Variants in SYT9 observed in about 807,000 individuals in gnomAD.
SYT9 encodes the protein synaptotagmin 9.
In SYT9, 22 loss-of-function variants were observed where a neutral mutation model predicts 48.4. That is an observed-to-expected ratio of 0.45 (90% CI 0.32 to 0.65). The LOEUF (loss-of-function observed/expected upper bound fraction) is 0.65. SYT9 is among the 30% of genes least tolerant of loss of function. SYT9 has a pLI of 0.03. For synonymous variants in SYT9, 265 were observed against 245.0 expected (o/e 1.08, Z -0.76); for missense variants, 577 against 622.0 (o/e 0.93, Z 0.77).
chr11:7,314,013 T>C (rs574471209), intron 3 of SYT9, 72 bp downstream of exon 3: 1 of 1,512,316 alleles, frequency 6.6e-7, no homozygotes, highest in African/African-American at 1.4e-5. Context: ...TACTTACACA[T>C]TATCTTGAGG....
chr11:7,339,683 C>T (rs1015475948), intron 3 of SYT9, among the ~76,000 whole-genome samples: 3 of 152,130 alleles, frequency 2.0e-5, no homozygotes, highest in Non-Finnish European at 4.4e-5. Flanking sequence ...ATATAGGCCC[C>T]CTAATCTCTT....
intron 1 of SYT9, among the ~76,000 whole-genome samples, chr11:7,295,678 G>T (rs752680449): frequency 3.3e-5 from 5 of 152,058 alleles, no homozygotes; most frequent in African/African-American, 1.2e-4. Context: ...TCATATTTTA[G>T]GTATTTATTT....
chr11:7,368,719 A>G (rs1227596719), intron 3 of SYT9, among the ~76,000 whole-genome samples: 3 of 152,154 alleles, frequency 2.0e-5, no homozygotes, highest in Non-Finnish European at 1.5e-5. Flanking sequence ...GCTGTGTAGT[A>G]TTCCATGGTG....
chr11:7,440,114 C>G (rs1386276609), intron 6 of SYT9: 1 of 152,274 alleles, frequency 6.6e-6, no homozygotes, highest in South Asian at 2.1e-4. Flanking sequence ...TCCCGTACAA[C>G]CTGAAGACTC....
intron 1 of SYT9, among the ~76,000 whole-genome samples, chr11:7,254,488 C>T (rs952510732): frequency 6.6e-6 from 1 of 152,168 alleles, no homozygotes; most frequent in African/African-American, 2.4e-5. Context: ...GTCTTCATCC[C>T]TCTGAAGCAA....
intron 1 of SYT9, among the ~76,000 whole-genome samples, chr11:7,269,084 A>G (rs1056462277): frequency 6.6e-6 from 1 of 152,112 alleles, no homozygotes; most frequent in Non-Finnish European, 1.5e-5. Flanking sequence ...ACTGATTAGT[A>G]TTCCATTAGA....
At chr11:7,263,736 T>C (rs1429811437) in intron 1 of SYT9, among the ~76,000 whole-genome samples, 1 of 152,196 alleles carries the variant, frequency 6.6e-6, no homozygotes, top group Non-Finnish European at 1.5e-5. Flanking sequence ...ACATGAAGGC[T>C]AATTGGTGAC....
intron 1 of SYT9, among the ~76,000 whole-genome samples, chr11:7,271,105 T>C (rs143156104): frequency 7.2e-4 from 110 of 152,218 alleles, no homozygotes; most frequent in African/African-American, 2.6e-3. Flanking sequence ...GAATGTTAAC[T>C]GTCATGACAA....
intron 3 of SYT9, among the ~76,000 whole-genome samples, chr11:7,317,646 T>C (rs1236107028): frequency 6.6e-6 from 1 of 152,164 alleles, no homozygotes; most frequent in Non-Finnish European, 1.5e-5. Flanking sequence ...AATATATAAA[T>C]TGGGAGGGAC....
chr11:7,400,648 TTA>T (rs1382164138), intron 3 of SYT9, among the ~76,000 whole-genome samples: 1 of 152,154 alleles, frequency 6.6e-6, no homozygotes, highest in Non-Finnish European at 1.5e-5. Context: ...CAACTAGAAA[TTA>T]TGTCAGTTTA....
intron 2 of SYT9, among the ~76,000 whole-genome samples, chr11:7,306,660 C>T (rs1849036958): frequency 6.6e-6 from 1 of 152,144 alleles, no homozygotes; most frequent in Non-Finnish European, 1.5e-5. Flanking sequence ...TTCTTGGGAC[C>T]TTTACTTCCC....
intron 6 of SYT9, among the ~76,000 whole-genome samples, chr11:7,449,811 C>A (rs1327828101): frequency 6.6e-6 from 1 of 152,124 alleles, no homozygotes; most frequent in Non-Finnish European, 1.5e-5. Context: ...TGAACTGTCT[C>A]TCCTCATGTA....
intron 3 of SYT9, among the ~76,000 whole-genome samples, chr11:7,410,396 G>C (rs1847114161): frequency 2.0e-5 from 3 of 152,118 alleles, no homozygotes; most frequent in South Asian, 4.1e-4. Context: ...TGTTGTTGTT[G>C]ATTTTCTGTC....
chr11:7,239,140 A>G (rs1847714586), intron 1 of SYT9, among the ~76,000 whole-genome samples: 1 of 152,138 alleles, frequency 6.6e-6, no homozygotes, highest in African/African-American at 2.4e-5. Context: ...GCAACTAGGA[A>G]CCCAGACTGA....
intron 1 of SYT9, among the ~76,000 whole-genome samples, chr11:7,282,264 A>G (rs940272599): frequency 2.6e-5 from 4 of 152,242 alleles, no homozygotes; most frequent in Admixed American, 1.3e-4. Flanking sequence ...TAAAGAACAT[A>G]ACATAAAACC....
intron 3 of SYT9, among the ~76,000 whole-genome samples, chr11:7,326,596 A>G (rs1266269541): frequency 3.3e-5 from 5 of 150,978 alleles, no homozygotes; most frequent in Non-Finnish European, 5.9e-5. Flanking sequence ...GAACCAAAAA[A>G]GAGCCCGCAT....
At chr11:7,349,104 TAGG>T (rs1418051409) in intron 3 of SYT9, among the ~76,000 whole-genome samples, 1 of 152,022 alleles carries the variant, frequency 6.6e-6, no homozygotes, top group Non-Finnish European at 1.5e-5. Flanking sequence ...AGGTTTGGAA[TAGG>T]AGATTTCAAG....
intron 3 of SYT9, among the ~76,000 whole-genome samples, chr11:7,324,116 C>T (rs1268849476): frequency 6.6e-6 from 1 of 151,636 alleles, no homozygotes; most frequent in African/African-American, 2.4e-5. Flanking sequence ...ATTATAATAC[C>T]AAATTATTTT....
chr11:7,332,728 C>G (rs1849561971), intron 3 of SYT9, among the ~76,000 whole-genome samples: 2 of 152,204 alleles, frequency 1.3e-5, no homozygotes, highest in African/African-American at 4.8e-5. Flanking sequence ...CTGAGGTGGA[C>G]TTTTGCTGCA....
Sources: gnomAD v4.1 joint callset for allele counts (sites outside exome capture counted in the v4.1 genomes callset) on GRCh38, gnomAD v4.1.1 for gene constraint, MANE v1.5 for transcripts, NCBI Gene and HGNC (gene_info 2026-07-23, HGNC 2026-07-21) for gene names.